Variants in RIMS2 observed in about 807,000 individuals in gnomAD.
The protein encoded by RIMS2 is regulating synaptic membrane exocytosis protein 2.
A neutral mutation model predicts 174.4 loss-of-function variants in RIMS2; 59 were observed. The observed-to-expected ratio is 0.34, with a 90% CI of 0.27 to 0.42. The LOEUF (loss-of-function observed/expected upper bound fraction) is 0.42, where lower values mean the gene tolerates loss of function less well. RIMS2 is among the 10% of genes least tolerant of loss of function. The pLI, the probability that RIMS2 is intolerant of heterozygous loss-of-function variation, is 1.00. For synonymous variants in RIMS2, 606 were observed against 572.5 expected, an observed-to-expected ratio of 1.06 and a Z score of -0.84; for missense variants, 1,620 against 1,666.3, an observed-to-expected ratio of 0.97 and a Z score of 0.48.
At chr8:103,892,605 A>T (rs1468426876) in intron 4 of RIMS2, among the ~76,000 whole-genome samples, 2 of 152,114 alleles carry the variant, frequency 1.3e-5, no homozygotes, top group Non-Finnish European at 2.9e-5. Context: ...AAATAATCTT[A>T]TGCTAAATAA....
intron 16 of RIMS2, among the ~76,000 whole-genome samples, chr8:103,981,606 G>A (rs1340126164): frequency 6.6e-6 from 1 of 152,086 alleles, no homozygotes; most frequent in Admixed American, 6.5e-5. Flanking sequence ...ATTCAAAACT[G>A]CTATTTTGAG....
chr8:103,669,493 T>C (rs531602765), intron 1 of RIMS2, among the ~76,000 whole-genome samples: 105 of 152,318 alleles, frequency 6.9e-4, no homozygotes, highest in Non-Finnish European at 9.4e-4. Context: ...CAAAATCTCA[T>C]TTGAGACAAG....
At chr8:103,837,459 G>A (rs2098905454) in intron 3 of RIMS2, among the ~76,000 whole-genome samples, 1 of 152,132 alleles carries the variant, frequency 6.6e-6, no homozygotes, top group Admixed American at 6.5e-5. Context: ...TGCCATGTTG[G>A]TGTGCTGCAC....
chr8:103,562,247 C>G (rs1369750372), intron 1 of RIMS2, among the ~76,000 whole-genome samples: 2 of 152,228 alleles, frequency 1.3e-5, no homozygotes, highest in African/African-American at 4.8e-5. Flanking sequence ...AAAGTCTCAT[C>G]TGAGACAAGG....
At chr8:103,696,912 T>C (rs1450313430) in intron 1 of RIMS2, among the ~76,000 whole-genome samples, 174 bp from the exon 4 acceptor site, 1 of 151,094 alleles carries the variant, frequency 6.6e-6, no homozygotes, top group Admixed American at 6.6e-5. Context: ...GCAATACTTT[T>C]ACAAATAATG....
downstream of RIMS2, chr8:104,252,136 G>T: frequency 2.9e-6 from 1 of 350,856 alleles, no homozygotes; most frequent in African/African-American, 2.1e-5. Flanking sequence ...CCTTTTCAAT[G>T]GCACCTTTAT....
chr8:103,651,195 T>A (rs1256855616), intron 1 of RIMS2, among the ~76,000 whole-genome samples: 1 of 152,244 alleles, frequency 6.6e-6, no homozygotes, highest in Non-Finnish European at 1.5e-5. Flanking sequence ...ACACAATCAC[T>A]GACAGCTTCC....
chr8:103,622,798 G>C (rs2095666736), intron 1 of RIMS2, among the ~76,000 whole-genome samples: 1 of 152,146 alleles, frequency 6.6e-6, no homozygotes, highest in Admixed American at 6.5e-5. Flanking sequence ...CAGGGAAACT[G>C]ATCTAGTCAC....
chr8:104,028,754 A>G (rs1262286313), intron 19 of RIMS2, among the ~76,000 whole-genome samples: 1 of 152,200 alleles, frequency 6.6e-6, no homozygotes, highest in East Asian at 1.9e-4. Flanking sequence ...TATCCCATCA[A>G]ATATAACAAA....
At chr8:103,603,159 C>G in intron 1 of RIMS2, among the ~76,000 whole-genome samples, 1 of 124,402 alleles carries the variant, frequency 8.0e-6, no homozygotes, top group East Asian at 2.6e-4. Context: ...CCCCCCACCC[C>G]AACACAGTCC....
chr8:103,601,710 CT>C (rs1481939047), intron 1 of RIMS2, among the ~76,000 whole-genome samples: 1 of 151,548 alleles, frequency 6.6e-6, no homozygotes, highest in Non-Finnish European at 1.5e-5. Flanking sequence ...TATTTATTTT[CT>C]GGTTGTTTAG....
At chr8:103,598,623 T>C (rs1459122777) in intron 1 of RIMS2, among the ~76,000 whole-genome samples, 1 of 152,172 alleles carries the variant, frequency 6.6e-6, no homozygotes, top group Non-Finnish European at 1.5e-5. Context: ...TACTCTGTCC[T>C]GGCGAAGGAC....
intron 19 of RIMS2, among the ~76,000 whole-genome samples, chr8:104,228,996 CCAT>C (rs1159405316): frequency 6.6e-6 from 1 of 152,144 alleles, no homozygotes; most frequent in African/African-American, 2.4e-5. Flanking sequence ...TCTTTCACCA[CCAT>C]GTGTCCAAAT....
At chr8:104,247,298 A>G (rs1417126775) in intron 20 of RIMS2, among the ~76,000 whole-genome samples, 1 of 152,194 alleles carries the variant, frequency 6.6e-6, no homozygotes, top group African/African-American at 2.4e-5. Context: ...GTCCAAGATC[A>G]AGGTGTCTGC....
chr8:103,721,696 A>G (rs2097450844), intron 2 of RIMS2, among the ~76,000 whole-genome samples: 1 of 152,204 alleles, frequency 6.6e-6, no homozygotes, highest in African/African-American at 2.4e-5. Flanking sequence ...AGTTATTTCA[A>G]TCATGAATAC....
In RIMS2 at chr8:103,936,559, A is replaced by G. The variant is rs769009428; in HGVS notation, c.2384A>G (p.Asn795Ser). 1.7e-5 allele frequency: 26 copies of G among 1,565,170 alleles called. No individual in the cohort carries two copies. Among genetic ancestry groups the G allele is most frequent in the Non-Finnish European group, 2.1e-5 (24 of 1,154,938 alleles). ...ATTGTTTTTTTCCATAGTGATAAAAACAAGAGAAGAACTAAAACAGTAAAG... is the reference window on the plus strand; with the variant it reads ...ATTGTTTTTTTCCATAGTGATAAAAGCAAGAGAAGAACTAAAACAGTAAAG... Residue 795 changes from asparagine to serine, a missense_variant, in exon 13 of 24, where the codon AAC becomes AGC. Coordinates refer to ENST00000504942, the Ensembl canonical transcript of RIMS2.
intron 1 of RIMS2, among the ~76,000 whole-genome samples, chr8:103,585,459 A>G (rs2093860225): frequency 6.6e-6 from 1 of 152,236 alleles, no homozygotes; most frequent in Admixed American, 6.5e-5. Flanking sequence ...ACTATTTACA[A>G]TAGCAAAGAC....
chr8:103,780,462 A>G (rs1310042667), intron 3 of RIMS2, among the ~76,000 whole-genome samples: 2 of 151,522 alleles, frequency 1.3e-5, no homozygotes, highest in African/African-American at 4.9e-5. Flanking sequence ...CTCTGATCGT[A>G]TTTTCAAATG....
intron 2 of RIMS2, among the ~76,000 whole-genome samples, chr8:103,699,464 A>G (rs1245480960): frequency 3.9e-5 from 6 of 152,184 alleles, no homozygotes; most frequent in Non-Finnish European, 8.8e-5. Flanking sequence ...TTCTGGCCTC[A>G]AGCAGTTCTC....
Sources: gnomAD v4.1 joint callset for allele counts (sites outside exome capture counted in the v4.1 genomes callset) on GRCh38, gnomAD v4.1.1 for gene constraint, MANE v1.5 for transcripts, NCBI Gene and HGNC (gene_info 2026-07-23, HGNC 2026-07-21) for gene names.